HIPK3: variants seen among roughly 807,000 people sequenced by gnomAD.
HIPK3 encodes homeodomain-interacting protein kinase 3.
A neutral mutation model predicts 124.2 loss-of-function variants in HIPK3; 47 were observed. That is an observed-to-expected ratio of 0.38 (90% CI 0.30 to 0.48). The LOEUF (loss-of-function observed/expected upper bound fraction) is 0.48. HIPK3 is among the 20% of genes least tolerant of loss of function. The pLI is 0.98. For missense variants in HIPK3, 1,286 were observed against 1,454.3 expected (o/e 0.88, Z 1.88); for synonymous variants, 482 against 515.2 (o/e 0.94, Z 0.87).
At chr11:33,311,273 C>T (rs1419344507) in intron 2 of HIPK3, among the ~76,000 whole-genome samples, 2 of 152,108 alleles carry the variant, frequency 1.3e-5, no homozygotes, top group African/African-American at 2.4e-5. Context: ...ACAGCATTGA[C>T]CCCCTGGGCT....
rs761440300 is a variant in HIPK3, at chr11:33,328,552, A to G, written c.1140A>G (p.Ile380Met). ...TGGGGTTGCCATTTTGTGAAGCCATAGACATGTGGTCATTGGGATGTGTGA... is the reference window on the plus strand; with the variant it reads ...TGGGGTTGCCATTTTGTGAAGCCATGGACATGTGGTCATTGGGATGTGTGA... ...IILGLPFCEA[I>M]DMWSLGCVIA... Residue 380 changes from isoleucine to methionine, a missense_variant, in exon 3 of 17, where the codon ATA becomes ATG. This residue lies in a region of HIPK3 where 251 missense variants were observed against 349.1 expected (regional missense o/e 0.72). Coordinates refer to ENST00000303296, the MANE Select transcript of HIPK3 (RefSeq NM_005734.5). The G allele has an allele frequency of 6.2e-7, 1 of 1,613,324 alleles. No homozygotes were observed. The highest frequency in any genetic ancestry group is 8.5e-7 in the Non-Finnish European group (1 of 1,179,328).
chr11:33,303,200 C>T (rs1357122698), intron 2 of HIPK3, among the ~76,000 whole-genome samples: 7 of 152,140 alleles, frequency 4.6e-5, no homozygotes, highest in Admixed American at 3.9e-4. Context: ...ATAGTATTTC[C>T]ACGTAACCTA....
At position 33,349,185 on chromosome 11, in the gene HIPK3, C is replaced by G. The variant is rs1188604922; in HGVS notation, c.2705C>G (p.Thr902Ser). The G allele has an allele frequency of 1.2e-6, 2 of 1,613,834 alleles. No individual in the cohort carries two copies. The highest frequency in any genetic ancestry group is 1.7e-6 in the Non-Finnish European group (2 of 1,179,860). The change falls in exon 14 of 17, where the codon ACT becomes AGT. Residue 902 changes from threonine (T) to serine (S), a missense_variant. Physicochemically the swap from Thr to Ser is moderately conservative, Grantham distance 58. Transcript: ENST00000303296. ...GSLDCEACQS[T>S]LNIDRMCSLS... ...CTAGATTGTGAAGCTTGCCAGAGCA[C>G]TTTGAATATTGATCGGATGTGTTCA... is the stretch of plus-strand genomic sequence containing the variant.
intron 1 of HIPK3, among the ~76,000 whole-genome samples, chr11:33,276,198 G>T (rs1483732283): frequency 6.6e-6 from 1 of 151,924 alleles, no homozygotes; most frequent in Non-Finnish European, 1.5e-5. Context: ...TGAATTTTTT[G>T]AGAGTAAGTT....
intron 2 of HIPK3, among the ~76,000 whole-genome samples, chr11:33,313,153 T>A (rs940415646): frequency 6.6e-6 from 1 of 152,176 alleles, no homozygotes; most frequent in Non-Finnish European, 1.5e-5. Flanking sequence ...AATTTTCTTA[T>A]GAGAAAATAT....
At chr11:33,256,823 C>A, upstream of HIPK3, 1 of 435,760 alleles carries the variant, frequency 2.3e-6, no homozygotes, top group Non-Finnish European at 3.1e-6. Context: ...AGGACCCTTC[C>A]CCCGTCCTTG....
Position 33,353,040 on chromosome 11 carries a change from T to G in HIPK3, c.3172-52T>G, listed in dbSNP as rs1259147236. On this transcript the variant is annotated intron_variant, in intron 16 of 16. Transcript: ENST00000303296. ...GTAATTTCCCTTTCTTTCTTTCCTT[T>G]TATCTTTTAAGGTATGTTATTCAGT... The G allele has an allele frequency of 3.7e-6, 4 of 1,079,774 alleles. No individual in the cohort carries two copies. The African/African-American group carries it at 6.3e-5, about 17-fold the overall frequency. 66.9% of individuals were successfully genotyped at this position (1,079,774 alleles called of 1,614,324 possible). A position where few individuals can be genotyped will look rare whatever the true frequency, so the allele number is the denominator to read the frequency against.
At chr11:33,310,690 A>G (rs965691859) in intron 2 of HIPK3, among the ~76,000 whole-genome samples, 10 of 152,226 alleles carry the variant, frequency 6.6e-5, no homozygotes, top group Non-Finnish European at 1.3e-4. Flanking sequence ...CAGGTGCCCA[A>G]TAGCTACATG....
At chr11:33,317,546 C>T (rs756904145) in intron 2 of HIPK3, among the ~76,000 whole-genome samples, 2 of 152,088 alleles carry the variant, frequency 1.3e-5, no homozygotes, top group Admixed American at 6.5e-5. Flanking sequence ...GGATTACAGT[C>T]GTGAGCCACT....
rs892469539 is a variant in HIPK3, at chr11:33,257,871, A to G, written c.-21A>G. On this transcript the variant is annotated 5_prime_UTR_variant, in exon 1 of 17. Coordinates refer to ENST00000303296, the MANE Select transcript of HIPK3 (RefSeq NM_005734.5). ...GGCTGCGGCCGCCCGAAGAGGAGAG[A>G]GCGCGGGCCTCTAGGAAGGTAAGGG... The G allele has an allele frequency of 1.5e-5, 15 of 985,216 alleles. No individual in the cohort carries two copies. The highest frequency in any genetic ancestry group is 1.8e-5 in the Non-Finnish European group (15 of 830,018). 61.0% of individuals were successfully genotyped at this position (985,216 alleles called of 1,614,324 possible). A position where few individuals can be genotyped will look rare whatever the true frequency, so the allele number is the denominator to read the frequency against.
chr11:33,353,791 G>A lies in HIPK3; in HGVS notation c.*223G>A, dbSNP rs1853743856. On this transcript the variant is annotated 3_prime_UTR_variant, in exon 17 of 17. Transcript: ENST00000303296. ...TCTTCTTATGTAGTAACTCTAGACAGGTGACTTATGGGAGCAGAAGTCCAG... is the reference window on the plus strand; with the variant it reads ...TCTTCTTATGTAGTAACTCTAGACAAGTGACTTATGGGAGCAGAAGTCCAG... The A allele has an allele frequency of 6.3e-6, 3 of 477,742 alleles. No homozygotes were observed. The Admixed American group carries it at 1.1e-4, about 17-fold the overall frequency. 29.6% of individuals were successfully genotyped at this position (477,742 alleles called of 1,614,324 possible).
intron 1 of HIPK3, among the ~76,000 whole-genome samples, chr11:33,263,063 T>C (rs1267176632): frequency 6.6e-6 from 1 of 152,132 alleles, no homozygotes; most frequent in Non-Finnish European, 1.5e-5. Flanking sequence ...AGAGACGGGG[T>C]TGTGCTTTGT....
chr11:33,274,694 T>G (rs746810907), intron 1 of HIPK3, among the ~76,000 whole-genome samples: 8 of 152,234 alleles, frequency 5.3e-5, no homozygotes, highest in Non-Finnish European at 8.8e-5. Context: ...ATTATCTGCT[T>G]AGTAAGAGTA....
At chr11:33,338,372 T>C (rs889238403) in intron 4 of HIPK3, among the ~76,000 whole-genome samples, 3 of 152,218 alleles carry the variant, frequency 2.0e-5, no homozygotes, top group African/African-American at 7.2e-5. Context: ...TAGCTGGGAC[T>C]ACAGGCATGC....
At chr11:33,266,874 A>G (rs1258008221) in intron 1 of HIPK3, among the ~76,000 whole-genome samples, 1 of 152,172 alleles carries the variant, frequency 6.6e-6, no homozygotes, top group Non-Finnish European at 1.5e-5. Flanking sequence ...TCTTATAGAG[A>G]TAAACTGTAT....
chr11:33,324,920 G>A (rs900920109), intron 2 of HIPK3, among the ~76,000 whole-genome samples: 3 of 152,172 alleles, frequency 2.0e-5, no homozygotes, highest in Non-Finnish European at 2.9e-5. Flanking sequence ...CAAATTTCTG[G>A]TGTATCTAAT....
intron 2 of HIPK3, among the ~76,000 whole-genome samples, chr11:33,320,329 G>A (rs1192984190): frequency 6.6e-6 from 1 of 152,212 alleles, no homozygotes; most frequent in Non-Finnish European, 1.5e-5. Flanking sequence ...AGAAGAACAG[G>A]AAGCTCTTGT....
Position 33,286,850 on chromosome 11 carries a change from G to T in HIPK3, c.436G>T (p.Glu146Ter). 3.1e-6 allele frequency: 5 copies of T among 1,614,158 alleles called. No individual in the cohort carries two copies. The highest frequency in any genetic ancestry group is 4.2e-6 in the Non-Finnish European group (5 of 1,180,022). Residue 146 changes from glutamate to a stop codon, truncating the protein, a stop_gained, in exon 2 of 17, where the codon GAA (glutamate) becomes TAA (stop). Transcript: ENST00000303296. LOFTEE classifies it high-confidence loss of function. ...TAGCAGCGCAATGCAGATTGTCGAT[G>T]AATTGTCCATACTTCCTGCAATGTT... is the stretch of plus-strand genomic sequence containing the variant. ...NHSSAMQIVD[E>*]LSILPAMLQT... is the part of the protein sequence containing the mutation.
intron 2 of HIPK3, among the ~76,000 whole-genome samples, chr11:33,297,295 T>C (rs1851867888): frequency 1.3e-5 from 2 of 152,190 alleles, no homozygotes; most frequent in African/African-American, 4.8e-5. Flanking sequence ...GGCTTCGCCA[T>C]GTTGGCCAGG....
Sources: gnomAD v4.1 joint callset for allele counts (sites outside exome capture counted in the v4.1 genomes callset) on GRCh38, gnomAD v4.1.1 for gene constraint, gnomAD v4.1.1 regional missense constraint, MANE v1.5 for transcripts, NCBI Gene and HGNC (gene_info 2026-07-23, HGNC 2026-07-21) for gene names.